The following FGF5 variants were observed in gnomAD, a reference collection of about 807,000 sequenced individuals.
FGF5 encodes fibroblast growth factor 5, also known as heparin-binding growth factor 5.
FGF5 carries 23 observed loss-of-function variants against 21.8 expected under a neutral mutation model. The ratio of observed to expected loss-of-function variants is 1.05; its 90% CI spans 0.76 to 1.49. FGF5 has a LOEUF of 1.49. FGF5 is among the 40% of genes most tolerant of loss of function. The pLI, the probability that FGF5 is intolerant of heterozygous loss-of-function variation, is 0.00. For synonymous variants in FGF5, 158 were observed against 124.0 expected (o/e 1.27, Z -1.82); for missense variants, 352 against 332.9 (o/e 1.06, Z -0.45).
intron 2 of FGF5, among the ~76,000 whole-genome samples, chr4:80,284,602 T>C (rs1029786901): frequency 2.6e-5 from 4 of 152,248 alleles, no homozygotes; most frequent in Non-Finnish European, 5.9e-5. Context: ...TTGATTGAAC[T>C]ACACTTAAAT....
At chr4:80,269,199 G>C (rs1180524186) in intron 1 of FGF5, among the ~76,000 whole-genome samples, 2 of 152,092 alleles carry the variant, frequency 1.3e-5, no homozygotes, top group East Asian at 3.9e-4. Context: ...ACTCTCCCTG[G>C]GTACATGACA....
chr4:80,278,652 A>T (rs922363619), intron 2 of FGF5, among the ~76,000 whole-genome samples: 1 of 152,184 alleles, frequency 6.6e-6, no homozygotes, highest in Non-Finnish European at 1.5e-5. Context: ...TGCTGATTCC[A>T]TTTTTGTGCT....
At position 80,287,773 on chromosome 4, in the gene FGF5, A is replaced by T. The variant is rs1306074466; in HGVS notation, c.*1101A>T. 1 of 152,140 alleles carries T rather than the reference A, an allele frequency of 6.6e-6. No homozygotes were observed. Among genetic ancestry groups the T allele is most frequent in the Non-Finnish European group, 1.5e-5 (1 of 68,028 alleles). The allele number at this position is 152,140 out of a possible 1,614,324, so 9.4% of individuals were successfully genotyped here. On this transcript the variant is annotated 3_prime_UTR_variant, in exon 3 of 3. Transcript: ENST00000312465. ...TTAACAGTTATCCATGCCAAGTCCC[A>T]TTGTCAGAAATATTCTTATTACTCA... is the stretch of plus-strand genomic sequence containing the variant.
intron 1 of FGF5, among the ~76,000 whole-genome samples, chr4:80,267,467 G>A (rs998030313): frequency 6.6e-6 from 1 of 152,166 alleles, no homozygotes; most frequent in African/African-American, 2.4e-5. Context: ...CCTCAAAGAC[G>A]AGTCCCCAGC....
chr4:80,288,163 C>T lies in FGF5; in HGVS notation c.*1491C>T, dbSNP rs1403898218. Reference sequence around the variant, plus strand: ...GGGTTCATAGAAACTTCATGGTTTGCATTTAAACATGTTTAAAGTGTACTT... The same window carrying T: ...GGGTTCATAGAAACTTCATGGTTTGTATTTAAACATGTTTAAAGTGTACTT... On this transcript the variant is annotated 3_prime_UTR_variant, in exon 3 of 3. Transcript: ENST00000312465. 1 of 152,056 alleles carries T rather than the reference C, an allele frequency of 6.6e-6. No individual in the cohort carries two copies. Among genetic ancestry groups the T allele is most frequent in the African/African-American group, 2.4e-5 (1 of 41,414 alleles). 9.4% of individuals were successfully genotyped at this position (152,056 alleles called of 1,614,324 possible).
At chr4:80,270,043 G>C (rs891851714) in intron 1 of FGF5, among the ~76,000 whole-genome samples, 2 of 152,210 alleles carry the variant, frequency 1.3e-5, no homozygotes, top group Non-Finnish European at 2.9e-5. Context: ...CCTGACATTC[G>C]TGTAAACTAA....
intron 2 of FGF5, among the ~76,000 whole-genome samples, chr4:80,282,087 T>C (rs1824253): frequency 0.076 from 11,539 of 152,134 alleles, 1,118 homozygotes; most frequent in African/African-American, 0.22. Flanking sequence ...CTCAGTCTCC[T>C]GAGTAGTTGA....
At chr4:80,268,544 A>T (rs1720167788) in intron 1 of FGF5, 2 of 985,930 alleles carry the variant, frequency 2.0e-6, no homozygotes, top group Admixed American at 6.1e-5. Context: ...CAGTCTCCAG[A>T]GGGGGGTCGG....
rs1720848695 is a variant in FGF5 at position 80,289,985 on chromosome 4, A to C, written c.*3313A>C. On this transcript the variant is annotated 3_prime_UTR_variant, in exon 3 of 3. Coordinates refer to ENST00000312465, the MANE Select transcript of FGF5 (RefSeq NM_004464.4). ...TATTAAATCAATCTTGAAATAGAAA[A>C]TGTAATAACTTTCTTACCATTAACA... 1 of 152,168 alleles carries C rather than the reference A, an allele frequency of 6.6e-6. No individual in the cohort carries two copies. Among genetic ancestry groups the C allele is most frequent in the Non-Finnish European group, 1.5e-5 (1 of 68,024 alleles). 9.4% of individuals were successfully genotyped at this position (152,168 alleles called of 1,614,324 possible).
At chr4:80,277,530 A>C (rs1238642884) in intron 2 of FGF5, among the ~76,000 whole-genome samples, 2 of 152,280 alleles carry the variant, frequency 1.3e-5, no homozygotes, top group East Asian at 1.9e-4. Context: ...TTTTATGCCC[A>C]GTTGGTTTCT....
At chr4:80,274,115 G>C (rs1253883399) in intron 1 of FGF5, among the ~76,000 whole-genome samples, 1 of 152,032 alleles carries the variant, frequency 6.6e-6, no homozygotes, top group Non-Finnish European at 1.5e-5. Flanking sequence ...TATGAACAGT[G>C]GTGTGTAATT....
At chr4:80,267,312 A>T in intron 1 of FGF5, 133 bp downstream of exon 1, 1 of 712,434 alleles carries the variant, frequency 1.4e-6, no homozygotes, top group Non-Finnish European at 2.3e-6. Context: ...ATACTCAGAA[A>T]CAGCCGGGCG....
chr4:80,285,055 A>G (rs1354173624), intron 2 of FGF5, among the ~76,000 whole-genome samples: 1 of 152,176 alleles, frequency 6.6e-6, no homozygotes, highest in East Asian at 1.9e-4. Flanking sequence ...GTTTGATGAA[A>G]GCTACAGAAT....
intron 2 of FGF5, 73 bp downstream of exon 2, chr4:80,275,085 A>C: frequency 1.6e-6 from 1 of 613,318 alleles, no homozygotes; most frequent in Non-Finnish European, 2.7e-6. Context: ...ATAATTTTCC[A>C]AATTCATAGG....
intron 2 of FGF5, among the ~76,000 whole-genome samples, chr4:80,285,067 C>T (rs764033940): frequency 1.2e-4 from 19 of 152,130 alleles, no homozygotes; most frequent in Non-Finnish European, 1.5e-4. Flanking sequence ...CTACAGAATC[C>T]TCCTTTGGAT....
chr4:80,278,946 C>T (rs534306379), intron 2 of FGF5, among the ~76,000 whole-genome samples: 102 of 152,308 alleles, frequency 6.7e-4, no homozygotes, highest in Non-Finnish European at 1.4e-3. Flanking sequence ...CTCCAAGCCA[C>T]AGCTGTGGCC....
Position 80,278,623 on chromosome 4 carries a change from C to A in FGF5, c.459+3611C>A, listed in dbSNP as rs568166160. Reference sequence around the variant, plus strand: ...GGCAGACTGAAAGGGTAGGCCAGAGCAGATTCAGGCAGCATTGATGCTGAT... The same window carrying A: ...GGCAGACTGAAAGGGTAGGCCAGAGAAGATTCAGGCAGCATTGATGCTGAT... On this transcript the variant is annotated intron_variant, in intron 2 of 2. Coordinates refer to ENST00000312465, the MANE Select transcript of FGF5 (RefSeq NM_004464.4). 3.3e-5 allele frequency among the ~76,000 whole-genome samples: 5 copies of A among 152,260 alleles called. No homozygotes were observed. The South Asian group carries it at 1.0e-3, about 32-fold the overall frequency.
At chr4:80,280,347 C>A (rs1457255050) in intron 2 of FGF5, among the ~76,000 whole-genome samples, 6 of 152,136 alleles carry the variant, frequency 3.9e-5, no homozygotes, top group African/African-American at 7.2e-5. Context: ...GATGTGATTG[C>A]CTTGTAGATT....
At chr4:80,275,784 G>A (rs1416421967) in intron 2 of FGF5, among the ~76,000 whole-genome samples, 3 of 151,914 alleles carry the variant, frequency 2.0e-5, no homozygotes, top group Non-Finnish European at 4.4e-5. Flanking sequence ...GTATATACAC[G>A]CTGCACTTAA....
Sources: gnomAD v4.1 joint callset for allele counts (sites outside exome capture counted in the v4.1 genomes callset) on GRCh38, gnomAD v4.1.1 for gene constraint, MANE v1.5 for transcripts, NCBI Gene and HGNC (gene_info 2026-07-23, HGNC 2026-07-21) for gene names.